The following PTCHD4 variants were observed in gnomAD, a reference collection of about 807,000 sequenced individuals.
PTCHD4 encodes the protein patched domain-containing protein 4.
Under a neutral mutation model 58.1 loss-of-function variants are expected in PTCHD4, and 33 were observed. The ratio of observed to expected loss-of-function variants is 0.57; its 90% CI spans 0.43 to 0.76. The LOEUF is 0.76. Ranked by LOEUF, PTCHD4 falls within the 30% of genes least tolerant of loss-of-function variation. The pLI is 0.00. For missense variants in PTCHD4, 1,058 were observed against 1,027.1 expected (o/e 1.03, Z -0.41); for synonymous variants, 478 against 409.6 (o/e 1.17, Z -2.02).
chr6:47,959,791 T>C (rs1472127393), intron 4 of PTCHD4, among the ~76,000 whole-genome samples: 1 of 151,670 alleles, frequency 6.6e-6, no homozygotes, highest in Admixed American at 6.6e-5. Flanking sequence ...TCTGTCCATC[T>C]AGAATTCTAC....
At chr6:47,961,524 C>T (rs752717665) in intron 4 of PTCHD4, among the ~76,000 whole-genome samples, 25 of 151,906 alleles carry the variant, frequency 1.6e-4, no homozygotes, top group Non-Finnish European at 3.1e-4. Context: ...AAACACCTGG[C>T]CTCAAGTGAT....
At chr6:47,960,961 T>TA (rs1561979356) in intron 4 of PTCHD4, among the ~76,000 whole-genome samples, 113 of 147,384 alleles carry the variant, frequency 7.7e-4, no homozygotes, top group African/African-American at 2.7e-3. Flanking sequence ...CCTTTTTTTT[T>TA]TAAAAAAAAA....
intron 1 of PTCHD4, among the ~76,000 whole-genome samples, chr6:48,107,497 C>T (rs986902707): frequency 7.9e-5 from 12 of 152,208 alleles, no homozygotes; most frequent in African/African-American, 2.9e-4. Context: ...CATAAAAACC[C>T]TAGAAGAAAA....
chr6:47,924,948 A>G (rs1765550742), intron 4 of PTCHD4, among the ~76,000 whole-genome samples: 1 of 146,358 alleles, frequency 6.8e-6, no homozygotes, highest in Non-Finnish European at 1.5e-5. Context: ...GACATTTTAT[A>G]TATAAAAAAG....
intron 4 of PTCHD4, among the ~76,000 whole-genome samples, chr6:47,966,930 A>T (rs1407638077): frequency 6.6e-6 from 1 of 152,166 alleles, no homozygotes; most frequent in East Asian, 1.9e-4. Flanking sequence ...AAAATCATCC[A>T]TGAGTGTTGG....
rs934764025 is a variant in PTCHD4 at position 47,981,282 on chromosome 6, T to C, written c.898+27352A>G. ...GCAATTTCCTCAAGTCTCTCCTGCA[T>C]GTTTCTAAATATGTTTTCGCTCTTG... On this transcript the variant is annotated intron_variant, in intron 4 of 4. Transcript: ENST00000339488. Among the ~76,000 whole-genome samples, 5 of 152,168 alleles carry C rather than the reference T, an allele frequency of 3.3e-5. 1 individual carries two copies. Among genetic ancestry groups the C allele is most frequent in the African/African-American group, 1.2e-4 (5 of 41,462 alleles).
intron 4 of PTCHD4, among the ~76,000 whole-genome samples, chr6:47,988,518 C>G (rs1217855725): frequency 5.3e-5 from 8 of 152,248 alleles, no homozygotes; most frequent in Non-Finnish European, 1.2e-4. Flanking sequence ...CTGTCCCCAC[C>G]CAAATCTCAT....
intron 4 of PTCHD4, among the ~76,000 whole-genome samples, chr6:47,882,271 A>G (rs1164483105): frequency 1.3e-5 from 2 of 152,100 alleles, no homozygotes; most frequent in South Asian, 2.1e-4. Flanking sequence ...GGTCATTTTT[A>G]TGGAACATTA....
chr6:47,969,362 G>A (rs1285824038), intron 4 of PTCHD4, among the ~76,000 whole-genome samples: 1 of 152,146 alleles, frequency 6.6e-6, no homozygotes, highest in Non-Finnish European at 1.5e-5. Context: ...ATCCCTTTTT[G>A]CATTCATGGG....
chr6:48,063,128 A>G (rs1206220987), intron 3 of PTCHD4, among the ~76,000 whole-genome samples: 1 of 152,190 alleles, frequency 6.6e-6, no homozygotes, highest in African/African-American at 2.4e-5. Flanking sequence ...TCTTTGGCAC[A>G]TAAGCCACTG....
chr6:48,074,356 G>T (rs1476274558), intron 1 of PTCHD4, among the ~76,000 whole-genome samples: 1 of 152,142 alleles, frequency 6.6e-6, no homozygotes, highest in Non-Finnish European at 1.5e-5. Context: ...TTTCCTCTCG[G>T]CCTTGCCCAT....
intron 4 of PTCHD4, among the ~76,000 whole-genome samples, chr6:47,973,401 A>C (rs974363662): frequency 1.3e-5 from 2 of 152,248 alleles, no homozygotes; most frequent in African/African-American, 2.4e-5. Flanking sequence ...GATAAGCTCC[A>C]CCTTCACCAA....
At chr6:47,904,584 C>T (rs983600664) in intron 4 of PTCHD4, among the ~76,000 whole-genome samples, 6 of 152,182 alleles carry the variant, frequency 3.9e-5, no homozygotes, top group African/African-American at 1.4e-4. Context: ...AAAGCTATCT[C>T]TTATGTGCAA....
At chr6:47,952,912 CAT>C (rs1766707622) in intron 4 of PTCHD4, among the ~76,000 whole-genome samples, 1 of 151,080 alleles carries the variant, frequency 6.6e-6, no homozygotes, top group African/African-American at 2.5e-5. Flanking sequence ...TACACATACA[CAT>C]AGAGTAGAAA....
chr6:47,914,934 T>C (rs1449273063), intron 4 of PTCHD4, among the ~76,000 whole-genome samples: 3 of 152,116 alleles, frequency 2.0e-5, no homozygotes, highest in African/African-American at 7.2e-5. Context: ...ATACTATTTA[T>C]CATAATGTTC....
At chr6:48,003,355 A>T (rs182371692) in intron 4 of PTCHD4, among the ~76,000 whole-genome samples, 7 of 152,124 alleles carry the variant, frequency 4.6e-5, no homozygotes, top group Non-Finnish European at 1.0e-4. Flanking sequence ...TGACTTCACT[A>T]CTGCAGTAAA....
At position 47,876,239 on chromosome 6, in the gene PTCHD4, C is replaced by T. The variant is rs887226148; in HGVS notation, c.*2064G>A. ...AAGGCTAGGAGTATTTGTGACATGACTTTACAAATAATGTAAAAACAATAA... is the reference window on the plus strand; with the variant it reads ...AAGGCTAGGAGTATTTGTGACATGATTTTACAAATAATGTAAAAACAATAA... On this transcript the variant is annotated 3_prime_UTR_variant, in exon 5 of 5. Coordinates refer to ENST00000339488, the MANE Select transcript of PTCHD4 (RefSeq NM_001384253.1). 6.6e-6 allele frequency among the ~76,000 whole-genome samples: 1 copy of T among 151,814 alleles called. No homozygotes were observed. Among genetic ancestry groups the T allele is most frequent in the African/African-American group, 2.4e-5 (1 of 41,374 alleles).
chr6:47,928,432 A>T (rs951845414), intron 4 of PTCHD4, among the ~76,000 whole-genome samples: 6 of 152,228 alleles, frequency 3.9e-5, no homozygotes, highest in African/African-American at 1.4e-4. Flanking sequence ...ATTCCAAAAA[A>T]GTCTCCCTAA....
intron 4 of PTCHD4, among the ~76,000 whole-genome samples, chr6:48,003,889 C>T (rs1377373585): frequency 6.6e-6 from 1 of 152,168 alleles, no homozygotes; most frequent in Non-Finnish European, 1.5e-5. Flanking sequence ...TTTCTCTCTG[C>T]CAGAGCCACT....
Sources: gnomAD v4.1 joint callset for allele counts (sites outside exome capture counted in the v4.1 genomes callset) on GRCh38, gnomAD v4.1.1 for gene constraint, MANE v1.5 for transcripts, NCBI Gene and HGNC (gene_info 2026-07-23, HGNC 2026-07-21) for gene names.